RUNX1: variants seen among roughly 807,000 people sequenced by gnomAD.
RUNX1 encodes RUNX family transcription factor 1.
Under a neutral mutation model 42.8 loss-of-function variants are expected in RUNX1, and 19 were observed. The observed-to-expected ratio is 0.44, with a 90% CI of 0.31 to 0.65. The LOEUF is 0.65. Ranked by LOEUF, RUNX1 falls within the 30% of genes least tolerant of loss-of-function variation. The pLI, the probability that RUNX1 is intolerant of heterozygous loss-of-function variation, is 0.07. For synonymous variants in RUNX1, 271 were observed against 289.4 expected (o/e 0.94, Z 0.64); for missense variants, 528 against 672.0 (o/e 0.79, Z 2.37).
At chr21:34,965,278 C>G (rs2058710861) in intron 2 of RUNX1, among the ~76,000 whole-genome samples, 1 of 151,474 alleles carries the variant, frequency 6.6e-6, no homozygotes, top group African/African-American at 2.4e-5. Context: ...ATCTGAGTGC[C>G]CTATAATCCA....
At chr21:34,821,813 C>G (rs925434672) in intron 7 of RUNX1, 1 of 842,244 alleles carries the variant, frequency 1.2e-6, no homozygotes, top group Non-Finnish European at 1.7e-6. Flanking sequence ...ATGAGGAAAT[C>G]AGGAAGAGAT....
At chr21:34,984,589 A>G (rs761045778) in intron 2 of RUNX1, among the ~76,000 whole-genome samples, 19 of 152,214 alleles carry the variant, frequency 1.2e-4, no homozygotes, top group Non-Finnish European at 2.2e-4. Context: ...GCTTGCAGAA[A>G]TAGCAGAATC....
intron 2 of RUNX1, among the ~76,000 whole-genome samples, chr21:34,982,787 C>T (rs570771261): frequency 6.6e-6 from 1 of 152,276 alleles, no homozygotes; most frequent in African/African-American, 2.4e-5. Context: ...TCAGGCTGGT[C>T]TTGACCTCCT....
intron 7 of RUNX1, among the ~76,000 whole-genome samples, chr21:34,816,903 A>T (rs556437108): frequency 5.3e-5 from 8 of 152,336 alleles, no homozygotes; most frequent in Middle Eastern, 6.8e-3. Flanking sequence ...CTTGTGGCCC[A>T]GAACAAGGCA....
At chr21:34,886,051 G>A (rs1365197915) in intron 4 of RUNX1, among the ~76,000 whole-genome samples, 2 of 152,196 alleles carry the variant, frequency 1.3e-5, no homozygotes, top group Non-Finnish European at 2.9e-5. Flanking sequence ...CTTTGGAGCC[G>A]CCGCGCTGAA....
At chr21:34,825,339 G>A (rs375508889) in intron 7 of RUNX1, among the ~76,000 whole-genome samples, 37 of 152,136 alleles carry the variant, frequency 2.4e-4, no homozygotes, top group African/African-American at 6.5e-4. Flanking sequence ...CACTGCTCCC[G>A]GGACACAGGG....
intron 3 of RUNX1, among the ~76,000 whole-genome samples, chr21:34,888,924 C>G (rs918904568): frequency 1.3e-5 from 2 of 151,572 alleles, no homozygotes; most frequent in Admixed American, 6.6e-5. Context: ...CCCCGCGCCC[C>G]GCATCCAAGC....
intron 7 of RUNX1, among the ~76,000 whole-genome samples, chr21:34,819,625 C>T (rs1044517102): frequency 5.3e-5 from 8 of 152,346 alleles, no homozygotes; most frequent in African/African-American, 1.7e-4. Flanking sequence ...TGGACAAGGA[C>T]GTGGCCGTCA....
At chr21:34,867,520 G>A (rs562308976) in intron 5 of RUNX1, among the ~76,000 whole-genome samples, 7 of 152,300 alleles carry the variant, frequency 4.6e-5, no homozygotes, top group African/African-American at 1.7e-4. Flanking sequence ...GGAAGGCATA[G>A]CTTGCTTTTT....
intron 2 of RUNX1, among the ~76,000 whole-genome samples, chr21:35,031,076 C>T (rs1213812650): frequency 9.2e-5 from 14 of 152,206 alleles, no homozygotes; most frequent in African/African-American, 1.7e-4. Flanking sequence ...TGGCCGGGTG[C>T]GGTGGCTCAC....
chr21:34,957,950 T>C (rs2058656592), intron 2 of RUNX1, among the ~76,000 whole-genome samples: 1 of 152,190 alleles, frequency 6.6e-6, no homozygotes. Context: ...CCAATGGGAA[T>C]TTCTCTTGCC....
intron 2 of RUNX1, among the ~76,000 whole-genome samples, chr21:34,921,022 C>T (rs34372043): frequency 0.34 from 52,079 of 151,850 alleles, 10,583 homozygotes; most frequent in East Asian, 0.57. Context: ...CCATGCCCAG[C>T]TAATTTTGGT....
chr21:34,860,928 T>C (rs1300397248), intron 5 of RUNX1, among the ~76,000 whole-genome samples: 1 of 152,154 alleles, frequency 6.6e-6, no homozygotes, highest in African/African-American at 2.4e-5. Flanking sequence ...TATTAAAGTC[T>C]ATAATAAAAA....
chr21:34,818,159 G>C (rs193180085), intron 7 of RUNX1, among the ~76,000 whole-genome samples: 253 of 152,294 alleles, frequency 1.7e-3, no homozygotes, highest in Non-Finnish European at 3.0e-3. Context: ...TCAGTGCTGG[G>C]GTGGGGTGGG....
chr21:34,825,330 A>G (rs1283392857), intron 7 of RUNX1, among the ~76,000 whole-genome samples: 1 of 152,168 alleles, frequency 6.6e-6, no homozygotes, highest in African/African-American at 2.4e-5. Context: ...CCCATCTGGC[A>G]CTGCTCCCGG....
chr21:35,000,760 A>G (rs1054492214), intron 2 of RUNX1, among the ~76,000 whole-genome samples: 2 of 152,060 alleles, frequency 1.3e-5, no homozygotes, highest in African/African-American at 2.4e-5. Context: ...CTCTCACATC[A>G]TTGCCTTTTG....
chr21:34,814,356 C>T (rs960921756), intron 7 of RUNX1, among the ~76,000 whole-genome samples: 1 of 152,126 alleles, frequency 6.6e-6, no homozygotes, highest in Admixed American at 6.5e-5. Context: ...GACAAGCAGA[C>T]GGCGACAGGG....
At position 34,937,642 on chromosome 21, in the gene RUNX1, G is replaced by A. The variant is rs147747359; in HGVS notation, c.59-44679C>T. Among the ~76,000 whole-genome samples, 600 of 151,758 alleles carry A rather than the reference G, an allele frequency of 4.0e-3. 6 individuals carry two copies. The highest frequency in any genetic ancestry group is 0.013 in the African/African-American group (551 of 41,424). Reference sequence around the variant, plus strand: ...ATCAGAAAGTTTTTTGAGGCTCAATGTGGGGTTCTGGGCTCATCTTTTATA... The same window carrying A: ...ATCAGAAAGTTTTTTGAGGCTCAATATGGGGTTCTGGGCTCATCTTTTATA... On this transcript the variant is annotated intron_variant, in intron 2 of 8. Coordinates refer to ENST00000675419, the MANE Select transcript of RUNX1 (RefSeq NM_001754.5).
At chr21:35,013,462 G>A (rs1438802950) in intron 2 of RUNX1, among the ~76,000 whole-genome samples, 1 of 152,180 alleles carries the variant, frequency 6.6e-6, no homozygotes, top group Admixed American at 6.5e-5. Context: ...CAGCAACTCT[G>A]AGAAGTTATT....
Sources: allele counts gnomAD v4.1 joint callset (sites outside exome capture counted in the v4.1 genomes callset), GRCh38; gene constraint gnomAD v4.1.1; transcripts MANE v1.5; gene names NCBI Gene and HGNC (gene_info 2026-07-23, HGNC 2026-07-21).